Variants in COL25A1 observed in about 807,000 individuals in gnomAD.
COL25A1 encodes collagen type XXV alpha 1 chain.
In COL25A1, 103 loss-of-function variants were observed where a neutral mutation model predicts 128.4. The ratio of observed to expected loss-of-function variants is 0.80; its 90% CI spans 0.68 to 0.94. The LOEUF is 0.94. COL25A1 is among the 40% of genes least tolerant of loss of function. COL25A1 has a pLI of 0.00. For missense variants in COL25A1, 745 were observed against 840.0 expected (o/e 0.89, Z 1.40); for synonymous variants, 279 against 277.2 (o/e 1.01, Z -0.06).
At chr4:109,252,578 T>C (rs78537597) in intron 3 of COL25A1, among the ~76,000 whole-genome samples, 6,545 of 152,310 alleles carry the variant, frequency 0.043, 463 homozygotes, top group African/African-American at 0.15. Context: ...TCATGTTTTT[T>C]GCCCATTCAG....
chr4:108,990,481 GGTC>G (rs1754125461), intron 6 of COL25A1, among the ~76,000 whole-genome samples: 1 of 151,170 alleles, frequency 6.6e-6, no homozygotes, highest in Non-Finnish European at 1.5e-5. Context: ...TTACATAGAG[GGTC>G]TTATGCTATA....
chr4:108,937,020 G>T (rs1168625281), intron 11 of COL25A1, among the ~76,000 whole-genome samples: 1 of 151,962 alleles, frequency 6.6e-6, no homozygotes, highest in Non-Finnish European at 1.5e-5. Flanking sequence ...GCTGATTGTG[G>T]TCACCTGCCA....
chr4:109,250,526 C>A (rs1780578219), intron 3 of COL25A1, among the ~76,000 whole-genome samples: 1 of 152,144 alleles, frequency 6.6e-6, no homozygotes, highest in African/African-American at 2.4e-5. Flanking sequence ...CGGTTCAAGT[C>A]TTAAGAACTG....
At chr4:109,068,759 G>A (rs1283524342) in intron 3 of COL25A1, among the ~76,000 whole-genome samples, 1 of 152,072 alleles carries the variant, frequency 6.6e-6, no homozygotes, top group Non-Finnish European at 1.5e-5. Context: ...ACCTCACGAA[G>A]TATTTACTTA....
chr4:109,153,267 CCCAG>C (rs1560779160), intron 3 of COL25A1, among the ~76,000 whole-genome samples: 6 of 151,562 alleles, frequency 4.0e-5, no homozygotes. Flanking sequence ...TGCCTGTAAT[CCCAG>C]CTACTCGGGA....
chr4:108,860,837 T>C (rs1737118611), intron 23 of COL25A1, 90 bp downstream of exon 23: 1 of 1,060,240 alleles, frequency 9.4e-7, no homozygotes, highest in South Asian at 1.3e-5. Context: ...GTATTATTAA[T>C]ACAGATGTCA....
intron 3 of COL25A1, among the ~76,000 whole-genome samples, chr4:109,095,961 T>C (rs537761931): frequency 3.3e-5 from 5 of 152,200 alleles, no homozygotes; most frequent in African/African-American, 1.2e-4. Flanking sequence ...CGACTGGAAT[T>C]TGTGCACAAG....
intron 8 of COL25A1, among the ~76,000 whole-genome samples, chr4:108,946,002 T>C (rs1443549711): frequency 6.6e-6 from 1 of 152,210 alleles, no homozygotes; most frequent in Non-Finnish European, 1.5e-5. Flanking sequence ...CCAAATACTT[T>C]GAATTCTTAA....
At chr4:108,819,742 C>CACACAAA in intron 35 of COL25A1, 1 of 761,968 alleles carries the variant, frequency 1.3e-6, no homozygotes, top group Non-Finnish European at 1.8e-6. Context: ...ACGGATCCCT[C>CACACAAA]CGGCTTGCTC....
chr4:109,255,631 CTTT>C (rs886322896), intron 3 of COL25A1, among the ~76,000 whole-genome samples: 1 of 149,742 alleles, frequency 6.7e-6, no homozygotes, highest in Non-Finnish European at 1.5e-5. Flanking sequence ...GCACTAGACT[CTTT>C]TTAAAAACCT....
At chr4:109,236,663 C>T (rs1297596539) in intron 3 of COL25A1, among the ~76,000 whole-genome samples, 1 of 152,050 alleles carries the variant, frequency 6.6e-6, no homozygotes, top group African/African-American at 2.4e-5. Flanking sequence ...GAGTCTCCTC[C>T]AAAAATTAAT....
At position 109,039,732 on chromosome 4, in the gene COL25A1, A is replaced by G. The variant is rs1347173452; in HGVS notation, c.420+8436T>C. 2.0e-5 allele frequency among the ~76,000 whole-genome samples: 3 copies of G among 152,206 alleles called. No homozygotes were observed. In the East Asian group the frequency reaches 5.8e-4, roughly 29 times the overall value. On this transcript the variant is annotated intron_variant, in intron 5 of 37. Transcript: ENST00000399132. ...CTCATCGTATAGCAGAGGGTGTGGT[A>G]TGTATTAAGCACTCAATATTAGTTT...
intron 19 of COL25A1, among the ~76,000 whole-genome samples, chr4:108,880,277 A>C (rs1051564656): frequency 1.3e-5 from 2 of 152,204 alleles, no homozygotes; most frequent in Non-Finnish European, 2.9e-5. Flanking sequence ...GTGGTTCTTC[A>C]TCCTTTGTTC....
In COL25A1 at chr4:108,886,471, TG is replaced by T. The variant is rs1560806150; in HGVS notation, c.976-2250del. Among the ~76,000 whole-genome samples, 312 of 125,006 alleles carry T rather than the reference TG, an allele frequency of 2.5e-3. 4 individuals carry two copies. The highest frequency in any genetic ancestry group is 8.0e-3 in the African/African-American group (293 of 36,544). The allele number at this position is 125,006 out of a possible 152,430, so 82.0% of individuals were successfully genotyped here. ...GTGTGTGTGTGTGTGTGTGTGTGTG[TG>T]TGTGTGTGTGTGTGTGTGTGTTTAG... On this transcript the variant is annotated intron_variant, in intron 18 of 37. Transcript: ENST00000399132.
chr4:109,017,108 TC>T (rs1757293431), intron 5 of COL25A1, among the ~76,000 whole-genome samples: 1 of 152,116 alleles, frequency 6.6e-6, no homozygotes, highest in African/African-American at 2.4e-5. Flanking sequence ...ACCACCACAT[TC>T]CCCTTGTCCA....
intron 26 of COL25A1, among the ~76,000 whole-genome samples, chr4:108,851,872 T>C (rs181105158): frequency 1.3e-5 from 2 of 152,302 alleles, no homozygotes; most frequent in East Asian, 3.9e-4. Flanking sequence ...TTTCTTGGTG[T>C]CAAGTTAAAT....
At chr4:109,090,302 G>A (rs1560672968) in intron 3 of COL25A1, among the ~76,000 whole-genome samples, 2 of 151,930 alleles carry the variant, frequency 1.3e-5, no homozygotes, top group Non-Finnish European at 2.9e-5. Flanking sequence ...CTGAATTTTT[G>A]TCCCTTATGA....
chr4:108,829,220 T>C (rs567361673), intron 32 of COL25A1, among the ~76,000 whole-genome samples: 2 of 152,256 alleles, frequency 1.3e-5, no homozygotes, highest in South Asian at 4.1e-4. Flanking sequence ...CCTTTAAGAA[T>C]GGAGCAAAGG....
At chr4:109,001,782 T>C (rs989322711) in intron 6 of COL25A1, among the ~76,000 whole-genome samples, 19 of 152,194 alleles carry the variant, frequency 1.2e-4, no homozygotes, top group African/African-American at 4.6e-4. Context: ...CAGGTGGAGA[T>C]TAGCCAGAGC....
Sources: allele counts gnomAD v4.1 joint callset (sites outside exome capture counted in the v4.1 genomes callset), GRCh38; gene constraint gnomAD v4.1.1; transcripts MANE v1.5; gene names NCBI Gene and HGNC (gene_info 2026-07-23, HGNC 2026-07-21).